SUGT1: variants seen among roughly 807,000 people sequenced by gnomAD.
SUGT1 encodes SGT1 assembly cochaperone of MIS12 kinetochore complex, also known as protein SGT1 homolog.
SUGT1 carries 15 observed loss-of-function variants against 56.1 expected under a neutral mutation model. That is an observed-to-expected ratio of 0.27 (90% CI 0.18 to 0.41). The LOEUF (loss-of-function observed/expected upper bound fraction) is 0.41, where lower values mean the gene tolerates loss of function less well. Ranked by LOEUF, SUGT1 falls within the 10% of genes least tolerant of loss-of-function variation. The pLI is 1.00. For missense variants in SUGT1, 347 were observed against 382.2 expected, an observed-to-expected ratio of 0.91 and a Z score of 0.77; for synonymous variants, 123 against 128.6, an observed-to-expected ratio of 0.96 and a Z score of 0.30.
At chr13:52,663,798 T>C (rs989224093) in intron 7 of SUGT1, among the ~76,000 whole-genome samples, 1 of 152,252 alleles carries the variant, frequency 6.6e-6, no homozygotes, top group African/African-American at 2.4e-5. Context: ...AAATCTTTTA[T>C]GAAATTCAAT....
chr13:52,662,758 A>T (rs1031930209), intron 6 of SUGT1, 56 bp downstream of exon 6: 34 of 1,567,582 alleles, frequency 2.2e-5, no homozygotes, highest in Non-Finnish European at 2.4e-5. Context: ...AACATCTGAA[A>T]TTTTTTTGGT....
intron 8 of SUGT1, among the ~76,000 whole-genome samples, chr13:52,664,974 C>T (rs535880015): frequency 5.9e-5 from 9 of 152,214 alleles, no homozygotes; most frequent in South Asian, 2.1e-4. Context: ...AGGATTCCTA[C>T]GTTTCTAGAG....
rs769143260 is a variant in SUGT1 at position 52,676,245 on chromosome 13, A to G, written c.643A>G (p.Lys215Glu). The G allele has an allele frequency of 6.2e-7, 1 of 1,611,914 alleles. No homozygotes were observed. The highest frequency in any genetic ancestry group is 2.2e-5 in the East Asian group (1 of 44,830). ...TTTCCTCCAGATTGAAATTAAACTG[A>G]AAAAGCCAGAGGCTGTGAGATGGGA... is the stretch of plus-strand genomic sequence containing the variant. ...VLSTKIEIKL[K>E]KPEAVRWEKL... The change falls in exon 11 of 13, where the codon AAA becomes GAA. Residue 215 changes from lysine to glutamate, a missense_variant. Lys to Glu is a moderately conservative substitution (Grantham distance 56, BLOSUM62 1). Transcript: ENST00000310528.
intron 2 of SUGT1, among the ~76,000 whole-genome samples, chr13:52,656,098 T>G (rs1396939073): frequency 1.3e-5 from 2 of 152,178 alleles, no homozygotes; most frequent in Non-Finnish European, 2.9e-5. Context: ...TTAGTGACTT[T>G]GAGAAGATTA....
rs1257010895 is a variant in SUGT1, at chr13:52,662,781, GTTT to G, written c.382+82_382+84del. On this transcript the variant is annotated intron_variant, in intron 6 of 12. Transcript: ENST00000310528. ...AAATTTTTTTGGTTTAAACAAATTT[GTTT>G]TTATCTTTATAATTTCTTTTAAATA... 7.8e-6 allele frequency: 11 copies of G among 1,414,964 alleles called. No homozygotes were observed. The Admixed American group carries it at 2.3e-4, about 29-fold the overall frequency. 87.7% of individuals were successfully genotyped at this position (1,414,964 alleles called of 1,614,324 possible). A position where few individuals can be genotyped will look rare whatever the true frequency, so the allele number is the denominator to read the frequency against.
intron 6 of SUGT1, 22 bp downstream of exon 6, chr13:52,662,724 T>C (rs751910457): frequency 1.3e-6 from 2 of 1,592,588 alleles, no homozygotes; most frequent in South Asian, 1.1e-5. Context: ...TCCCTTGGTA[T>C]TTGTTTCAAT....
At position 52,699,164 on chromosome 13, in the gene SUGT1, G is replaced by C. The variant is rs1446828687; in HGVS notation, c.*11329G>C. 6.6e-6 allele frequency: 1 copy of C among 152,178 alleles called. No individual in the cohort carries two copies. Among genetic ancestry groups the C allele is most frequent in the African/African-American group, 2.4e-5 (1 of 41,434 alleles). 9.4% of individuals were successfully genotyped at this position (152,178 alleles called of 1,614,324 possible). ...TTAACACAGAAATTAAAAGGTAGAG[G>C]AGAGATGCTGAATGATGCTTTTTTT... On this transcript the variant is annotated 3_prime_UTR_variant, in exon 13 of 13. Transcript: ENST00000310528.
chr13:52,669,892 C>T (rs906627983), intron 10 of SUGT1, among the ~76,000 whole-genome samples: 1 of 152,080 alleles, frequency 6.6e-6, no homozygotes, highest in Admixed American at 6.5e-5. Flanking sequence ...AATAAAATAT[C>T]TGGGTTACTG....
chr13:52,678,909 C>T (rs916293622), intron 11 of SUGT1, among the ~76,000 whole-genome samples: 1 of 151,944 alleles, frequency 6.6e-6, no homozygotes, highest in African/African-American at 2.4e-5. Context: ...TCTCACACTT[C>T]TGGCCTCAAG....
rs376523326 is a variant in SUGT1, at chr13:52,676,849, A to C, written c.718+529A>C. On this transcript the variant is annotated intron_variant, in intron 11 of 12. Transcript: ENST00000310528. ...AAGGAAAGTCTAGGAGAAGAGTAGA[A>C]AACCAGGCTTCATTGTATATATAAC... Among the ~76,000 whole-genome samples the C allele has an allele frequency of 1.2e-3, 181 of 152,324 alleles. 1 individual carries two copies. Among genetic ancestry groups the C allele is most frequent in the Non-Finnish European group, 1.9e-3 (132 of 68,022 alleles).
At chr13:52,682,806 T>C (rs1963428380) in intron 12 of SUGT1, among the ~76,000 whole-genome samples, 1 of 152,252 alleles carries the variant, frequency 6.6e-6, no homozygotes, top group African/African-American at 2.4e-5. Flanking sequence ...CCTCCTACTT[T>C]ATCCTTTATT....
intron 12 of SUGT1, among the ~76,000 whole-genome samples, chr13:52,686,917 C>T (rs911528759): frequency 6.6e-6 from 1 of 151,454 alleles, no homozygotes; most frequent in Admixed American, 6.6e-5. Context: ...ACTAAAAATA[C>T]AAAATTAGCC....
At position 52,653,069 on chromosome 13, in the gene SUGT1, C is replaced by T; in HGVS notation, c.62C>T (p.Ala21Val). The T allele has an allele frequency of 1.2e-6, 2 of 1,614,122 alleles. No individual in the cohort carries two copies. Among genetic ancestry groups the T allele is most frequent in the South Asian group, 1.1e-5 (1 of 91,072 alleles). Residue 21 changes from alanine (A) to valine (V), a missense_variant, in exon 2 of 13, where the codon GCC (alanine) becomes GTC (valine). By Grantham distance (64) the Ala-to-Val change is moderately conservative (BLOSUM62 0). Coordinates refer to ENST00000310528, the MANE Select transcript of SUGT1 (RefSeq NM_006704.5). Reference protein sequence around the residue: ...SQRFFQSFSDALIDEDPQAAL... With the variant: ...SQRFFQSFSDVLIDEDPQAAL... ...AGGTTTTTCCAGAGCTTCTCGGATG[C>T]CCTAATCGACGAGGACCCCCAGGCG... is the stretch of plus-strand genomic sequence containing the variant.
At chr13:52,679,102 A>G (rs1489295732) in intron 11 of SUGT1, among the ~76,000 whole-genome samples, 2 of 152,218 alleles carry the variant, frequency 1.3e-5, no homozygotes, top group East Asian at 3.8e-4. Context: ...GTTTTAAATT[A>G]TATATGTGAC....
intron 12 of SUGT1, among the ~76,000 whole-genome samples, chr13:52,684,030 G>C (rs1251345592): frequency 1.3e-5 from 2 of 152,020 alleles, no homozygotes; most frequent in East Asian, 3.9e-4. Flanking sequence ...ACAGGCATGT[G>C]CCGTCACATC....
Position 52,700,265 on chromosome 13 carries a change from A to G in SUGT1, c.*12430A>G, listed in dbSNP as rs1964043863. Reference sequence around the variant, plus strand: ...TGACTTTAAAACTATAAAGATGTAAAAAAGGTTCACTAAGCCAAACACCTT... The same window carrying G: ...TGACTTTAAAACTATAAAGATGTAAGAAAGGTTCACTAAGCCAAACACCTT... On this transcript the variant is annotated 3_prime_UTR_variant, in exon 13 of 13. Transcript: ENST00000310528. The G allele has an allele frequency of 6.6e-6, 1 of 152,192 alleles. No individual in the cohort carries two copies. Among genetic ancestry groups the G allele is most frequent in the Non-Finnish European group, 1.5e-5 (1 of 68,026 alleles). 9.4% of individuals were successfully genotyped at this position (152,192 alleles called of 1,614,324 possible).
In SUGT1 at chr13:52,678,942, A is replaced by G. The variant is rs190671699; in HGVS notation, c.719-1032A>G. On this transcript the variant is annotated intron_variant, in intron 11 of 12. Coordinates refer to ENST00000310528, the MANE Select transcript of SUGT1 (RefSeq NM_006704.5). ...AAGCAATCCTCCTACTTGGCCTCCC[A>G]AAGTGCTGGGATTATAGGTGTGAGC... Among the ~76,000 whole-genome samples, 421 of 152,118 alleles carry G rather than the reference A, an allele frequency of 2.8e-3. 2 individuals are homozygous for G. The highest frequency in any genetic ancestry group is 9.8e-3 in the African/African-American group (406 of 41,502).
At chr13:52,659,915 G>A (rs1962361944) in intron 5 of SUGT1, among the ~76,000 whole-genome samples, 1 of 141,022 alleles carries the variant, frequency 7.1e-6, no homozygotes, top group Non-Finnish European at 1.5e-5. Context: ...TGCAAGCTCT[G>A]CCTCCCGGGT....
In SUGT1 at chr13:52,694,098, G is replaced by GGGAACTATTAAT. The variant is rs1963856577; in HGVS notation, c.*6264_*6275dup. 2 of 152,150 alleles carry GGGAACTATTAAT rather than the reference G, an allele frequency of 1.3e-5. No homozygotes were observed. Among genetic ancestry groups the GGGAACTATTAAT allele is most frequent in the South Asian group, 4.1e-4 (2 of 4,828 alleles). 9.4% of individuals were successfully genotyped at this position (152,150 alleles called of 1,614,324 possible). On this transcript the variant is annotated 3_prime_UTR_variant, in exon 13 of 13. Coordinates refer to ENST00000310528, the MANE Select transcript of SUGT1 (RefSeq NM_006704.5). ...GTGGAAAGCAAAACCATGGATAAAG[G>GGGAACTATTAAT]GGAACTATTAATAGTCTATCTGTAT... is the stretch of plus-strand genomic sequence containing the variant.
Sources: allele counts gnomAD v4.1 joint callset (sites outside exome capture counted in the v4.1 genomes callset), GRCh38; gene constraint gnomAD v4.1.1; transcripts MANE v1.5; gene names NCBI Gene and HGNC (gene_info 2026-07-23, HGNC 2026-07-21).